BCL2L14: variants seen among roughly 807,000 people sequenced by gnomAD.
The protein encoded by BCL2L14 is apoptosis facilitator Bcl-2-like protein 14.
BCL2L14 carries 27 observed loss-of-function variants against 35.3 expected under a neutral mutation model. The ratio of observed to expected loss-of-function variants is 0.76; its 90% CI spans 0.56 to 1.05. The LOEUF is 1.05. Among genes scored for constraint, BCL2L14 ranks in the 50% least tolerant of loss-of-function variants. The pLI is 0.00. For missense variants in BCL2L14, 377 were observed against 382.6 expected, an observed-to-expected ratio of 0.99 and a Z score of 0.12; for synonymous variants, 139 against 145.9, an observed-to-expected ratio of 0.95 and a Z score of 0.34.
At chr12:12,071,331 G>A (rs559314202) in intron 1 of BCL2L14, 194 bp downstream of exon 1, 2 of 152,300 alleles carry the variant, frequency 1.3e-5, no homozygotes, top group South Asian at 2.1e-4. Context: ...CAGGAAAGAC[G>A]AAGAAAGGTT....
intron 4 of BCL2L14, among the ~76,000 whole-genome samples, chr12:12,092,055 C>G (rs1949200124): frequency 6.6e-6 from 1 of 152,174 alleles, no homozygotes; most frequent in African/African-American, 2.4e-5. Flanking sequence ...AGCATTTCAG[C>G]ACAGAACTCC....
chr12:12,058,678 A>G (rs1948471096), intron 2 of BCL2L14, among the ~76,000 whole-genome samples: 1 of 149,476 alleles, frequency 6.7e-6, no homozygotes, highest in Admixed American at 6.7e-5. Context: ...ATCTCCCTTC[A>G]CTGACTCTCT....
chr12:12,073,112 C>T (rs773655330), intron 1 of BCL2L14, among the ~76,000 whole-genome samples: 22 of 152,224 alleles, frequency 1.4e-4, no homozygotes, highest in Admixed American at 2.6e-4. Context: ...TGGGCTTAAG[C>T]GATCCTGCTC....
intron 4 of BCL2L14, chr12:12,094,445 T>A: frequency 7.4e-7 from 1 of 1,359,378 alleles, no homozygotes; most frequent in South Asian, 1.2e-5. Context: ...CTGTTCCATT[T>A]TATACATGTA....
upstream of BCL2L14, among the ~76,000 whole-genome samples, chr12:12,066,454 T>C (rs1948595109): frequency 6.6e-6 from 1 of 152,216 alleles, no homozygotes; most frequent in Non-Finnish European, 1.5e-5. Context: ...GGATGGGCTT[T>C]TTATCTATAT....
intron 1 of BCL2L14, among the ~76,000 whole-genome samples, chr12:12,050,806 AAAAAAAAG>A (rs1338664990): frequency 8.5e-5 from 12 of 141,178 alleles, no homozygotes; most frequent in Admixed American, 2.8e-4. Flanking sequence ...AAAAAAAAAA[AAAAAAAAG>A]AAAAGAAAAG....
In BCL2L14 at chr12:12,079,728, G is replaced by A. The variant is rs765390687; in HGVS notation, c.423G>A (p.Leu141=). ...GTCTTTCTAACGTGGAGCAGTGCTT[G>A]GAGCATGAAGGTAGGCATCTGGGAT... ...SRCLSNVEQC[L]EHEAVDPKVI... Residue 141 remains leucine, a synonymous_variant, in exon 2 of 6, where the codon TTG becomes TTA. Transcript: ENST00000308721. 5.6e-6 allele frequency: 9 copies of A among 1,611,210 alleles called. No homozygotes were observed. The Admixed American group carries it at 1.2e-4, about 21-fold the overall frequency.
At chr12:12,064,959 A>G (rs1412926448) in intron 2 of BCL2L14, among the ~76,000 whole-genome samples, 2 of 152,184 alleles carry the variant, frequency 1.3e-5, no homozygotes, top group Non-Finnish European at 1.5e-5. Flanking sequence ...TATCACTTCA[A>G]TCCTTCTATT....
intron 1 of BCL2L14, among the ~76,000 whole-genome samples, chr12:12,051,113 A>AG (rs1332649168): frequency 6.6e-6 from 1 of 152,208 alleles, no homozygotes; most frequent in Non-Finnish European, 1.5e-5. Context: ...TTGACCTTGT[A>AG]GGGGCACCAG....
chr12:12,094,993 T>G, intron 5 of BCL2L14, 63 bp downstream of exon 5: 1 of 1,544,670 alleles, frequency 6.5e-7, no homozygotes, highest in Non-Finnish European at 8.6e-7. Context: ...ATGGATTTTT[T>G]TTTTTTTTTT....
chr12:12,079,083 C>T (rs532671185), intron 1 of BCL2L14, among the ~76,000 whole-genome samples: 2 of 152,360 alleles, frequency 1.3e-5, no homozygotes, highest in South Asian at 4.1e-4. Flanking sequence ...GCGTGAGCCA[C>T]CGCACCCGGC....
rs1349137245 is a variant in BCL2L14 at position 12,079,588 on chromosome 12, G to A, written c.283G>A (p.Ala95Thr). The stretch of plus-strand genomic sequence containing the variant: ...TGGCAAGAAAAAGTCTTCTTGGAAA[G>A]CATTCTTTGGAGTAGTGGAGAAGGA... ...NLGKKKSSWK[A>T]FFGVVEKEDS... Residue 95 changes from alanine (A) to threonine (T), a missense_variant, in exon 2 of 6, where the codon GCA becomes ACA. Ala to Thr is a moderately conservative substitution (Grantham distance 58). Transcript: ENST00000308721. 6.2e-7 allele frequency: 1 copy of A among 1,614,226 alleles called. No individual in the cohort carries two copies. The highest frequency in any genetic ancestry group is 1.7e-5 in the Admixed American group (1 of 60,016).
chr12:12,081,551 A>ATT (rs35006788), intron 2 of BCL2L14, among the ~76,000 whole-genome samples: 76 of 140,534 alleles, frequency 5.4e-4, no homozygotes, highest in South Asian at 9.4e-4. Flanking sequence ...CAAAGCCCAG[A>ATT]TTTTTTTTTT....
At chr12:12,080,474 G>C (rs1275605115) in intron 2 of BCL2L14, among the ~76,000 whole-genome samples, 1 of 151,884 alleles carries the variant, frequency 6.6e-6, no homozygotes, top group Non-Finnish European at 1.5e-5. Context: ...CAAAAAATTA[G>C]CCGGGCATGG....
intron 4 of BCL2L14, among the ~76,000 whole-genome samples, chr12:12,093,107 G>A (rs1424579889): frequency 3.3e-5 from 5 of 152,168 alleles, no homozygotes; most frequent in African/African-American, 4.8e-5. Flanking sequence ...TTTTAAAGGC[G>A]TGGTAGTTCA....
chr12:12,054,178 C>T (rs1041538890), intron 2 of BCL2L14, among the ~76,000 whole-genome samples: 10 of 151,892 alleles, frequency 6.6e-5, no homozygotes, highest in African/African-American at 1.7e-4. Context: ...GATAGGAAAC[C>T]AAGTCTAGTG....
intron 4 of BCL2L14, among the ~76,000 whole-genome samples, chr12:12,093,762 C>T (rs980286273): frequency 6.9e-6 from 1 of 145,844 alleles, no homozygotes; most frequent in African/African-American, 2.5e-5. Flanking sequence ...CTCTGCACTC[C>T]AGTCTGGGCA....
At chr12:12,083,841 G>C (rs534611773) in intron 2 of BCL2L14, among the ~76,000 whole-genome samples, 7 of 152,226 alleles carry the variant, frequency 4.6e-5, no homozygotes, top group African/African-American at 1.7e-4. Context: ...TCAGCTACTC[G>C]AGAGGCTGAA....
Position 12,090,838 on chromosome 12 carries a change from T to G in BCL2L14, c.667T>G (p.Leu223Val), listed in dbSNP as rs749189013. The G allele has an allele frequency of 3.1e-6, 5 of 1,612,800 alleles. No individual in the cohort carries two copies. The highest frequency in any genetic ancestry group is 2.2e-5 in the East Asian group (1 of 44,768). Residue 223 changes from leucine to valine, a missense_variant, in exon 4 of 6, where the codon TTG becomes GTG. Coordinates refer to ENST00000308721, the MANE Select transcript of BCL2L14 (RefSeq NM_138723.2). ...GCTGCTGAAATATTCAGGAGATCAG[T>G]TGGAAAGAAAGGTATGGAACACCTT... ...VELLKYSGDQ[L>V]ERKLKKDKAL...
Sources: allele counts gnomAD v4.1 joint callset (sites outside exome capture counted in the v4.1 genomes callset), GRCh38; gene constraint gnomAD v4.1.1; transcripts MANE v1.5; gene names NCBI Gene and HGNC (gene_info 2026-07-23, HGNC 2026-07-21).